CMSS1: variants seen among roughly 807,000 people sequenced by gnomAD.
CMSS1 encodes the protein cms1 ribosomal small subunit homolog.
A neutral mutation model predicts 43.5 loss-of-function variants in CMSS1; 33 were observed. That is an observed-to-expected ratio of 0.76 (90% CI 0.57 to 1.01). The LOEUF (loss-of-function observed/expected upper bound fraction) is 1.01, where lower values mean the gene tolerates loss of function less well. CMSS1 is among the 50% of genes least tolerant of loss of function. The probability of loss-of-function intolerance (pLI) is 0.00; values close to 1 mark genes in which losing one functional copy is unlikely to be tolerated. For synonymous variants in CMSS1, 115 were observed against 117.2 expected (o/e 0.98, Z 0.12); for missense variants, 313 against 326.4 (o/e 0.96, Z 0.32).
chr3:99,983,458 ATGTG>A (rs71132503), intron 1 of CMSS1, among the ~76,000 whole-genome samples: 110 of 16,166 alleles, frequency 6.8e-3, no homozygotes, highest in East Asian at 0.057. Context: ...ATATATATAT[ATGTG>A]TGTATATATA....
intron 1 of CMSS1, among the ~76,000 whole-genome samples, chr3:99,920,097 T>A (rs1707077533): frequency 1.3e-5 from 2 of 152,340 alleles, no homozygotes; most frequent in Admixed American, 6.5e-5. Context: ...TTTAACACAA[T>A]CCATGGTTGA....
At chr3:99,855,198 AAAG>A (rs1487088569) in intron 1 of CMSS1, among the ~76,000 whole-genome samples, 1 of 152,144 alleles carries the variant, frequency 6.6e-6, no homozygotes, top group Non-Finnish European at 1.5e-5. Flanking sequence ...CATTTTTTTC[AAAG>A]AAGATACCAG....
At chr3:99,951,033 C>T (rs1708161726) in intron 1 of CMSS1, among the ~76,000 whole-genome samples, 1 of 152,076 alleles carries the variant, frequency 6.6e-6, no homozygotes, top group Non-Finnish European at 1.5e-5. Flanking sequence ...ACCTCATGCC[C>T]CTCCCTTTGT....
At chr3:100,175,639 G>T (rs915769142) in intron 8 of CMSS1, among the ~76,000 whole-genome samples, 1 of 152,154 alleles carries the variant, frequency 6.6e-6, no homozygotes, top group Non-Finnish European at 1.5e-5. Flanking sequence ...CACAGGAGAG[G>T]AAGGCTGCAG....
At chr3:100,087,716 A>G (rs2066035132) in intron 1 of CMSS1, among the ~76,000 whole-genome samples, 1 of 152,066 alleles carries the variant, frequency 6.6e-6, no homozygotes, top group Non-Finnish European at 1.5e-5. Context: ...CACAAAGGAA[A>G]AGTTTTTGAA....
chr3:100,023,436 G>A (rs897353091), intron 1 of CMSS1: 9 of 152,538 alleles, frequency 5.9e-5, no homozygotes, highest in Non-Finnish European at 8.8e-5. Flanking sequence ...TTAAAGCAAC[G>A]TAAAGTTAAT....
intron 1 of CMSS1, among the ~76,000 whole-genome samples, chr3:100,129,589 TA>T (rs2066690309): frequency 6.6e-6 from 1 of 152,200 alleles, no homozygotes; most frequent in South Asian, 2.1e-4. Flanking sequence ...GCTTGAAAAT[TA>T]AAAAGGAAAA....
At chr3:100,081,031 T>G (rs1455497434) in intron 1 of CMSS1, among the ~76,000 whole-genome samples, 1 of 152,240 alleles carries the variant, frequency 6.6e-6, no homozygotes, top group East Asian at 1.9e-4. Flanking sequence ...GAGCATCTTG[T>G]GTAATGAAGG....
intron 8 of CMSS1, among the ~76,000 whole-genome samples, chr3:100,173,721 C>A (rs1179700349): frequency 1.3e-5 from 2 of 152,178 alleles, no homozygotes; most frequent in East Asian, 3.9e-4. Context: ...GGGAGAACAG[C>A]CCAGTGAGAT....
chr3:99,935,549 G>C (rs941820892), intron 1 of CMSS1, among the ~76,000 whole-genome samples: 1 of 152,166 alleles, frequency 6.6e-6, no homozygotes, highest in African/African-American at 2.4e-5. Flanking sequence ...TACTGGGATA[G>C]GTTGTCCCAT....
chr3:99,892,891 T>G (rs1706129945), intron 1 of CMSS1, among the ~76,000 whole-genome samples: 1 of 152,200 alleles, frequency 6.6e-6, no homozygotes, highest in African/African-American at 2.4e-5. Context: ...TAAGTTATCT[T>G]TTACATAAAT....
intron 1 of CMSS1, among the ~76,000 whole-genome samples, chr3:99,822,559 T>C (rs2107475136): frequency 6.6e-6 from 1 of 152,264 alleles, no homozygotes; most frequent in African/African-American, 2.4e-5. Flanking sequence ...GATGAAACCC[T>C]GTCTCTACTA....
intron 1 of CMSS1, chr3:99,849,861 G>T: frequency 6.2e-7 from 1 of 1,610,792 alleles, no homozygotes. Flanking sequence ...GATTTAATTT[G>T]TTTTTTAGGA....
chr3:100,146,557 GAATTA>G (rs1373919638), intron 1 of CMSS1, among the ~76,000 whole-genome samples: 2 of 152,162 alleles, frequency 1.3e-5, no homozygotes, highest in Admixed American at 6.5e-5. Flanking sequence ...TATATTGTAA[GAATTA>G]AATTAAATAA....
At chr3:100,079,776 C>G (rs1220811157) in intron 1 of CMSS1, among the ~76,000 whole-genome samples, 1 of 151,638 alleles carries the variant, frequency 6.6e-6, no homozygotes, top group Non-Finnish European at 1.5e-5. Context: ...GAGTTACTAC[C>G]GTTTTACAAT....
At chr3:100,061,576 C>T (rs1380709343) in intron 1 of CMSS1, among the ~76,000 whole-genome samples, 4 of 152,220 alleles carry the variant, frequency 2.6e-5, no homozygotes, top group South Asian at 2.1e-4. Flanking sequence ...AATTGCTTTA[C>T]CTCATAATAA....
chr3:100,094,321 T>C (rs2107441803), intron 1 of CMSS1, among the ~76,000 whole-genome samples: 1 of 152,310 alleles, frequency 6.6e-6, no homozygotes, highest in East Asian at 1.9e-4. Flanking sequence ...CTTATATTTT[T>C]TAAATGGTTG....
chr3:99,983,446 G>GTATA (rs1442427209), intron 1 of CMSS1, among the ~76,000 whole-genome samples: 4 of 87,808 alleles, frequency 4.6e-5, no homozygotes, highest in Non-Finnish European at 6.3e-5. Context: ...ATATATGTAT[G>GTATA]TATATATATA....
chr3:99,932,808 T>A (rs1357768322), intron 1 of CMSS1, among the ~76,000 whole-genome samples: 1 of 152,058 alleles, frequency 6.6e-6, no homozygotes, highest in African/African-American at 2.4e-5. Flanking sequence ...CAGGAATTGC[T>A]TCAACACAGG....
Sources: allele counts gnomAD v4.1 joint callset (sites outside exome capture counted in the v4.1 genomes callset), GRCh38; gene constraint gnomAD v4.1.1; transcripts MANE v1.5; gene names NCBI Gene and HGNC (gene_info 2026-07-23, HGNC 2026-07-21).